Variants in UNC80 observed in about 807,000 individuals in gnomAD.
UNC80 encodes unc-80 subunit of NALCN channel complex.
In UNC80, 164 loss-of-function variants were observed where a neutral mutation model predicts 384.6. The ratio of observed to expected loss-of-function variants is 0.43; its 90% CI spans 0.38 to 0.49. UNC80 has a LOEUF of 0.49. UNC80 is among the 20% of genes least tolerant of loss of function. The pLI is 0.00. For missense variants in UNC80, 3,330 were observed against 4,143.0 expected (o/e 0.80, Z 5.39); for synonymous variants, 1,486 against 1,527.8 (o/e 0.97, Z 0.64).
At chr2:209,961,173 G>A (rs1259345122) in intron 51 of UNC80, 1 of 152,108 alleles carries the variant, frequency 6.6e-6, no homozygotes, top group Non-Finnish European at 1.5e-5. Flanking sequence ...TAGGGCATTT[G>A]GAGGGAGGGG....
intron 51 of UNC80, 29 bp downstream of exon 51, chr2:209,959,736 T>G (rs768325235): frequency 1.3e-5 from 20 of 1,541,516 alleles, no homozygotes; most frequent in Admixed American, 2.0e-5. Context: ...CTGCCCCAAG[T>G]GTGAACACAG....
At chr2:209,931,660 A>T (rs1274864324) in intron 38 of UNC80, among the ~76,000 whole-genome samples, 53 of 152,192 alleles carry the variant, frequency 3.5e-4, no homozygotes, top group Non-Finnish European at 1.0e-4. Context: ...TGTGCTGAGC[A>T]TACTCCTTCA....
At chr2:209,851,747 A>G (rs17748227) in intron 22 of UNC80, among the ~76,000 whole-genome samples, 2,999 of 152,124 alleles carry the variant, frequency 0.02, 35 homozygotes, top group Admixed American at 0.032. Flanking sequence ...CCAAAGGAAA[A>G]CACTGAAGCT....
chr2:209,782,281 A>G (rs1297946310), intron 4 of UNC80, among the ~76,000 whole-genome samples: 3 of 152,170 alleles, frequency 2.0e-5, no homozygotes. Flanking sequence ...CTGTCTGACT[A>G]CTTCTCCTGT....
intron 8 of UNC80, among the ~76,000 whole-genome samples, chr2:209,814,119 A>G (rs538147785): frequency 6.6e-6 from 1 of 152,354 alleles, no homozygotes; most frequent in South Asian, 2.1e-4. Context: ...GGATAATCAA[A>G]GTAGTAATTA....
chr2:209,908,285 A>G (rs1310966252), intron 29 of UNC80, among the ~76,000 whole-genome samples: 1 of 152,228 alleles, frequency 6.6e-6, no homozygotes, highest in African/African-American at 2.4e-5. Flanking sequence ...TTTTTATGGC[A>G]GAGTATATTT....
chr2:209,772,010 G>A lies in UNC80; in HGVS notation c.-63G>A. Reference sequence around the variant, plus strand: ...GAGTTGGGAGCAGCGGGAGGAGGCGGCGGCGGCGGCTAGCGAGGAGACAGA... The same window carrying A: ...GAGTTGGGAGCAGCGGGAGGAGGCGACGGCGGCGGCTAGCGAGGAGACAGA... On this transcript the variant is annotated 5_prime_UTR_variant, in exon 1 of 65. Coordinates refer to ENST00000673920, the MANE Select transcript of UNC80 (RefSeq NM_001371986.1). The A allele has an allele frequency of 8.0e-7, 1 of 1,244,518 alleles. No individual in the cohort carries two copies. Among genetic ancestry groups the A allele is most frequent in the Non-Finnish European group, 1.1e-6 (1 of 870,798 alleles). 77.1% of individuals were successfully genotyped at this position (1,244,518 alleles called of 1,614,324 possible). A position where few individuals can be genotyped will look rare whatever the true frequency, so the allele number is the denominator to read the frequency against.
chr2:209,891,904 C>T (rs1159292813), intron 26 of UNC80, among the ~76,000 whole-genome samples: 1 of 152,054 alleles, frequency 6.6e-6, no homozygotes, highest in Admixed American at 6.6e-5. Context: ...TTTTGTAAAA[C>T]CTTAAGATGC....
intron 22 of UNC80, among the ~76,000 whole-genome samples, chr2:209,861,740 C>A (rs1296438494): frequency 1.3e-5 from 2 of 152,080 alleles, no homozygotes; most frequent in African/African-American, 4.8e-5. Context: ...AGGGATTCAA[C>A]TTCTTAGTGG....
Position 209,995,862 on chromosome 2 carries a change from A to G in UNC80, c.*267A>G. The G allele has an allele frequency of 2.6e-6, 1 of 391,366 alleles. No individual in the cohort carries two copies. Among genetic ancestry groups the G allele is most frequent in the South Asian group, 2.9e-5 (1 of 34,596 alleles). 24.2% of individuals were successfully genotyped at this position (391,366 alleles called of 1,614,324 possible). On this transcript the variant is annotated 3_prime_UTR_variant, in exon 65 of 65. Transcript: ENST00000673920. ...AGAGCCATTTCACTGCACATTGTTT[A>G]TGATTCAAGAAGCCTTCAGCAGTTA...
chr2:209,839,303 C>T lies in UNC80; in HGVS notation c.3123C>T (p.Asp1041=), dbSNP rs548628128. ...TCAAGTCCCAGAGTGCAGCAAGTGACACCAGCAGCCAGTCTGAACAGGACA... is the reference window on the plus strand; with the variant it reads ...TCAAGTCCCAGAGTGCAGCAAGTGATACCAGCAGCCAGTCTGAACAGGACA... ...KMFKSQSAAS[D]TSSQSEQDTS... Residue 1041 remains aspartate, a synonymous_variant, in exon 19 of 65, where the codon GAC becomes GAT. Transcript: ENST00000673920. The surrounding 1 kb of genome is among the most constrained non-coding windows in gnomAD (Gnocchi z 4.1). The T allele has an allele frequency of 5.8e-6, 9 of 1,551,556 alleles. No individual in the cohort carries two copies. The highest frequency in any genetic ancestry group is 3.9e-5 in the Admixed American group (2 of 50,978).
chr2:209,789,734 A>G, intron 6 of UNC80, 129 bp downstream of exon 6: 1 of 605,034 alleles, frequency 1.7e-6, no homozygotes, highest in South Asian at 2.4e-5. Context: ...TGAATGTGCA[A>G]CTTTTAACAG....
chr2:209,895,104 G>A (rs2086682613), intron 27 of UNC80, among the ~76,000 whole-genome samples: 1 of 152,192 alleles, frequency 6.6e-6, no homozygotes, highest in African/African-American at 2.4e-5. Flanking sequence ...GTCATTGTAG[G>A]CTCTAAAGAG....
At chr2:209,866,490 C>CCA (rs71409845) in intron 22 of UNC80, among the ~76,000 whole-genome samples, 5,177 of 106,130 alleles carry the variant, frequency 0.049, 152 homozygotes, top group Middle Eastern at 0.069. Context: ...AAATGCACCC[C>CCA]CACACACACA....
In UNC80 at chr2:209,872,803, C is replaced by T; in HGVS notation, c.3673C>T (p.Arg1225Cys). ...AGCAGCCTTGTTCCTGGAATGTGCT[C>T]GTTTTGTTCACCGCTGCAACCGTGG... The part of the protein sequence containing the change: ...ARAALFLECA[R>C]FVHRCNRGNW... Residue 1225 changes from arginine to cysteine, a missense_variant, in exon 23 of 65, where the codon CGT (arginine) becomes TGT (cysteine). Physicochemically the swap from Arg to Cys is radical, Grantham distance 180. Around this residue, in one of 8 missense-constraint regions of UNC80, gnomAD observed 801 missense variants for 950.8 expected, o/e 0.84. Coordinates refer to ENST00000673920, the MANE Select transcript of UNC80 (RefSeq NM_001371986.1). The surrounding 1 kb of genome is among the most constrained non-coding windows in gnomAD (Gnocchi z 4.1). 6.4e-7 allele frequency: 1 copy of T among 1,551,440 alleles called. No homozygotes were observed.
chr2:209,935,451 G>A (rs1326562433), intron 39 of UNC80, among the ~76,000 whole-genome samples: 3 of 151,890 alleles, frequency 2.0e-5, no homozygotes, highest in Non-Finnish European at 2.9e-5. Context: ...GCGAAACCTC[G>A]TCTCTACTAA....
intron 22 of UNC80, among the ~76,000 whole-genome samples, chr2:209,855,046 A>G (rs1449496186): frequency 6.6e-6 from 1 of 152,242 alleles, no homozygotes; most frequent in Non-Finnish European, 1.5e-5. Context: ...GAATCAACCC[A>G]AATGCCCATC....
chr2:209,978,815 T>A lies in UNC80; in HGVS notation c.9118+107T>A. 3 of 1,125,560 alleles carry A rather than the reference T, an allele frequency of 2.7e-6. No homozygotes were observed. In the South Asian group the frequency reaches 8.5e-5, roughly 32 times the overall value. 69.7% of individuals were successfully genotyped at this position (1,125,560 alleles called of 1,614,324 possible). ...ACCTTTTCCGCTTCTGATCCCCTAG[T>A]CATTTTTACAAAAGGAGTTCTAGGG... On this transcript the variant is annotated intron_variant, in intron 59 of 64. Transcript: ENST00000673920.
At position 209,839,322 on chromosome 2, in the gene UNC80, C is replaced by G; in HGVS notation, c.3142C>G (p.Gln1048Glu). The G allele has an allele frequency of 6.4e-7, 1 of 1,551,780 alleles. No homozygotes were observed. Among genetic ancestry groups the G allele is most frequent in the Non-Finnish European group, 8.7e-7 (1 of 1,147,022 alleles). Residue 1048 changes from glutamine (Q) to glutamate (E), a missense_variant, in exon 19 of 65, where the codon CAG (glutamine) becomes GAG (glutamate). Gln to Glu is a conservative substitution (Grantham distance 29, BLOSUM62 2). This residue lies in a region of UNC80 where 801 missense variants were observed against 950.8 expected (regional missense o/e 0.84). Transcript: ENST00000673920. This position sits in a 1 kb window ranked among gnomAD's most constrained non-coding sequence, Gnocchi z 4.1. Reference sequence around the variant, plus strand: ...AAGTGACACCAGCAGCCAGTCTGAACAGGACACTTCAGAATGCACGACTGC... The same window carrying G: ...AAGTGACACCAGCAGCCAGTCTGAAGAGGACACTTCAGAATGCACGACTGC... ...AASDTSSQSEQDTSECTTAHS... is the reference protein window; with the variant it reads ...AASDTSSQSEEDTSECTTAHS...
Sources: allele counts gnomAD v4.1 joint callset (sites outside exome capture counted in the v4.1 genomes callset), GRCh38; gene constraint gnomAD v4.1.1; regional missense constraint gnomAD v4.1.1; non-coding constraint Gnocchi (gnomAD v3.1); transcripts MANE v1.5; gene names NCBI Gene and HGNC (gene_info 2026-07-23, HGNC 2026-07-21).